ZBTB46: variants seen among roughly 807,000 people sequenced by gnomAD.
The protein encoded by ZBTB46 is zinc finger and BTB domain containing 46, also known as zinc finger and BTB domain-containing protein 46.
Under a neutral mutation model 44.1 loss-of-function variants are expected in ZBTB46, and 8 were observed. The observed-to-expected ratio is 0.18, with a 90% confidence interval of 0.11 to 0.33. ZBTB46 has a LOEUF of 0.33. ZBTB46 is among the 10% of genes least tolerant of loss of function. The probability of loss-of-function intolerance (pLI) is 1.00; values close to 1 mark genes in which losing one functional copy is unlikely to be tolerated. For missense variants in ZBTB46, 651 were observed against 847.7 expected (o/e 0.77, Z 2.88); for synonymous variants, 409 against 382.3 (o/e 1.07, Z -0.81).
At chr20:63,808,976 C>CAA (rs1157399042) in intron 1 of ZBTB46, among the ~76,000 whole-genome samples, 14,948 of 74,524 alleles carry the variant, frequency 0.2, 1,714 homozygotes, top group Non-Finnish European at 0.24. Context: ...GACTCCGCTT[C>CAA]AAAAAAAAAA....
At position 63,746,616 on chromosome 20, in the gene ZBTB46, C is replaced by G. The variant is rs945598380; in HGVS notation, c.*314G>C. ...CCACAGGCCCATCACGTGTCCAAGC[C>G]AGGCTGGCCATCACAGGGGCCACTC... On this transcript the variant is annotated 3_prime_UTR_variant, in exon 5 of 5. Transcript: ENST00000245663. 2 of 343,564 alleles carry G rather than the reference C, an allele frequency of 5.8e-6. No individual in the cohort carries two copies. Among genetic ancestry groups the G allele is most frequent in the Non-Finnish European group, 1.1e-5 (2 of 189,858 alleles). The allele number at this position is 343,564 out of a possible 1,614,324, so 21.3% of individuals were successfully genotyped here.
intron 2 of ZBTB46, among the ~76,000 whole-genome samples, chr20:63,777,476 A>G (rs1480023026): frequency 1.3e-5 from 2 of 152,134 alleles, no homozygotes; most frequent in Non-Finnish European, 2.9e-5. Flanking sequence ...CAAAAACAAC[A>G]ACAAAAAAGA....
intron 1 of ZBTB46, among the ~76,000 whole-genome samples, chr20:63,825,241 A>T (rs2092813351): frequency 6.6e-6 from 1 of 151,640 alleles, no homozygotes; most frequent in South Asian, 2.1e-4. Context: ...TCTCTACTAA[A>T]AATACAAAAA....
At position 63,769,846 on chromosome 20, in the gene ZBTB46, T is replaced by C. The variant is rs1259488800; in HGVS notation, c.1222+5832A>G. 5.3e-5 allele frequency among the ~76,000 whole-genome samples: 8 copies of C among 152,162 alleles called. No individual in the cohort carries two copies. In the East Asian group the frequency reaches 1.5e-3, roughly 29 times the overall value. ...TTTAAATACCACAGGGAAACAGTCT[T>C]TAAACCACAACCAAAACAAAGACAA... On this transcript the variant is annotated intron_variant, in intron 3 of 4. Transcript: ENST00000245663.
At chr20:63,798,348 T>C (rs1191357303) in intron 1 of ZBTB46, among the ~76,000 whole-genome samples, 1 of 151,992 alleles carries the variant, frequency 6.6e-6, no homozygotes, top group Non-Finnish European at 1.5e-5. Context: ...TCTGTTCTAT[T>C]GGAAACCCGG....
At chr20:63,749,579 G>T (rs558152225) in intron 4 of ZBTB46, among the ~76,000 whole-genome samples, 1,649 of 152,288 alleles carry the variant, frequency 0.011, 24 homozygotes, top group African/African-American at 0.038. Flanking sequence ...CTCGTGATCT[G>T]CCCGCCTTGG....
chr20:63,772,744 CACACACACACACACACACA>C (rs747701736), intron 3 of ZBTB46, among the ~76,000 whole-genome samples: 4 of 150,590 alleles, frequency 2.7e-5, no homozygotes, highest in African/African-American at 7.4e-5. Flanking sequence ...CACACACACA[CACACACACACACACACACA>C]CACAGAAGTG....
intron 3 of ZBTB46, among the ~76,000 whole-genome samples, chr20:63,758,833 G>A (rs371740819): frequency 1.2e-3 from 175 of 151,284 alleles, no homozygotes; most frequent in African/African-American, 3.7e-3. Context: ...CCGGGTTCAC[G>A]CCATTCTCCT....
chr20:63,798,835 C>T (rs1384695955), intron 1 of ZBTB46, among the ~76,000 whole-genome samples: 5 of 146,310 alleles, frequency 3.4e-5, no homozygotes, highest in African/African-American at 7.6e-5. Flanking sequence ...CAGAGCGAGA[C>T]TCTGTCTAAA....
chr20:63,790,689 C>G lies in ZBTB46; in HGVS notation c.69G>C (p.Glu23Asp). Residue 23 changes from glutamate (E) to aspartate (D), a missense_variant, in exon 2 of 5, where the codon GAG becomes GAC. By Grantham distance (45) the Glu-to-Asp change is conservative. This residue lies in a region of ZBTB46 where 65 missense variants were observed against 167.9 expected (regional missense o/e 0.39). Coordinates refer to ENST00000245663, the MANE Select transcript of ZBTB46 (RefSeq NM_001369741.1). ...HYRHLLRELN[E>D]QRQHGVLCDV... Reference sequence around the variant, plus strand: ...CGCACAGGACGCCGTGCTGCCTCTGCTCGTTGAGCTCCCGCAGCAGGTGCC... The same window carrying G: ...CGCACAGGACGCCGTGCTGCCTCTGGTCGTTGAGCTCCCGCAGCAGGTGCC... The G allele has an allele frequency of 6.2e-7, 1 of 1,611,694 alleles. No individual in the cohort carries two copies. The highest frequency in any genetic ancestry group is 8.5e-7 in the Non-Finnish European group (1 of 1,179,834).
intron 1 of ZBTB46, among the ~76,000 whole-genome samples, chr20:63,802,031 G>A (rs11700065): frequency 2.2e-4 from 33 of 152,062 alleles, no homozygotes; most frequent in Middle Eastern, 3.4e-3. Flanking sequence ...TGAACCCCCC[G>A]CCCCCGCCTC....
rs553752598 is a variant in ZBTB46 at position 63,814,628 on chromosome 20, A to G, written c.-34+16469T>C. Among the ~76,000 whole-genome samples the G allele has an allele frequency of 5.9e-5, 9 of 152,210 alleles. No individual in the cohort carries two copies. The East Asian group carries it at 1.7e-3, about 29-fold the overall frequency. The stretch of plus-strand genomic sequence containing the variant: ...TCCTCATTTGGGGTTGACCTCCCAG[A>G]GGAGTGCAGCAAGCCTGGGCCTCAG... On this transcript the variant is annotated intron_variant, in intron 1 of 4. Coordinates refer to ENST00000245663, the MANE Select transcript of ZBTB46 (RefSeq NM_001369741.1).
chr20:63,771,697 TC>T (rs2092375689), intron 3 of ZBTB46, among the ~76,000 whole-genome samples: 2 of 152,076 alleles, frequency 1.3e-5, no homozygotes, highest in African/African-American at 4.8e-5. Context: ...CACGGTTTAC[TC>T]CCGCGCGGAT....
intron 3 of ZBTB46, among the ~76,000 whole-genome samples, chr20:63,774,647 C>A (rs920678526): frequency 6.6e-5 from 10 of 150,662 alleles, no homozygotes; most frequent in African/African-American, 2.4e-4. Flanking sequence ...CCCACATGAG[C>A]GCGAGACCAG....
chr20:63,775,278 G>A (rs977378538), intron 3 of ZBTB46: 2 of 182,104 alleles, frequency 1.1e-5, no homozygotes, highest in African/African-American at 2.3e-5. Flanking sequence ...TCTCCCTTGC[G>A]CGAAACGAGC....
chr20:63,802,045 A>T (rs926776413), intron 1 of ZBTB46, among the ~76,000 whole-genome samples: 1 of 152,042 alleles, frequency 6.6e-6, no homozygotes, highest in Non-Finnish European at 1.5e-5. Context: ...CCGCCTCCCA[A>T]ATTCATGTTG....
Position 63,821,977 on chromosome 20 carries a change from C to T in ZBTB46, c.-34+9120G>A, listed in dbSNP as rs1016065769. Among the ~76,000 whole-genome samples, 13 of 152,220 alleles carry T rather than the reference C, an allele frequency of 8.5e-5. 1 individual carries two copies. The highest frequency in any genetic ancestry group is 6.3e-3 in the Middle Eastern group (2 of 316). ...GCTGTCCCGCAGCCTGCCCCAAGCA[C>T]TTACTCACCAGAAAAACCCAGCCAG... On this transcript the variant is annotated intron_variant, in intron 1 of 4. Transcript: ENST00000245663.
chr20:63,775,090 G>A (rs935236626), intron 3 of ZBTB46, among the ~76,000 whole-genome samples: 3 of 152,216 alleles, frequency 2.0e-5, no homozygotes, highest in Non-Finnish European at 4.4e-5. Context: ...CGCAGCAGTG[G>A]CTGAACTTTT....
chr20:63,768,171 T>C (rs1439824235), intron 3 of ZBTB46: 1 of 975,886 alleles, frequency 1.0e-6, no homozygotes, highest in East Asian at 1.1e-4. Context: ...CAAAAATATA[T>C]GCATTAACAA....
Sources: gnomAD v4.1 joint callset for allele counts (sites outside exome capture counted in the v4.1 genomes callset) on GRCh38, gnomAD v4.1.1 for gene constraint, gnomAD v4.1.1 regional missense constraint, MANE v1.5 for transcripts, NCBI Gene and HGNC (gene_info 2026-07-23, HGNC 2026-07-21) for gene names.